UNC13C: variants seen among roughly 807,000 people sequenced by gnomAD.
UNC13C encodes the protein unc-13 homolog C.
Under a neutral mutation model 245.4 loss-of-function variants are expected in UNC13C, and 174 were observed. The ratio of observed to expected loss-of-function variants is 0.71; its 90% CI spans 0.63 to 0.80. The LOEUF (loss-of-function observed/expected upper bound fraction) is 0.80, where lower values mean the gene tolerates loss of function less well. Ranked by LOEUF, UNC13C falls within the 30% of genes least tolerant of loss-of-function variation. The probability of loss-of-function intolerance (pLI) is 0.00; values close to 1 mark genes in which losing one functional copy is unlikely to be tolerated. For synonymous variants in UNC13C, 992 were observed against 895.1 expected (o/e 1.11, Z -1.93); for missense variants, 2,829 against 2,602.9 (o/e 1.09, Z -1.89).
At chr15:53,920,559 A>G in the UNC13C span, among the ~76,000 whole-genome samples, 1 of 152,098 alleles carries the variant, frequency 6.6e-6, no homozygotes, top group Admixed American at 6.6e-5. Context: ...CTCAAAAATA[A>G]TAATAAATAA....
chr15:54,007,591 C>A (rs559156029), intron 1 of UNC13C, among the ~76,000 whole-genome samples: 2 of 152,210 alleles, frequency 1.3e-5, no homozygotes, highest in South Asian at 4.2e-4. Flanking sequence ...AGGGGAACAG[C>A]ACACACTGGA....
At chr15:54,419,716 T>C (rs748443415) in intron 19 of UNC13C, among the ~76,000 whole-genome samples, 18 of 152,128 alleles carry the variant, frequency 1.2e-4, no homozygotes, top group Non-Finnish European at 5.9e-5. Context: ...CAGTGGACAC[T>C]GACATTCAAG....
the UNC13C span, among the ~76,000 whole-genome samples, chr15:53,900,896 A>G: frequency 6.6e-6 from 1 of 152,138 alleles, no homozygotes; most frequent in Non-Finnish European, 1.5e-5. Flanking sequence ...CTTTTTCCAT[A>G]AGGGTTTAAC....
chr15:54,329,152 G>C (rs978689577), intron 14 of UNC13C, among the ~76,000 whole-genome samples: 2 of 121,896 alleles, frequency 1.6e-5, no homozygotes. Flanking sequence ...ATTTCTAATT[G>C]GATACGTAAT....
intron 18 of UNC13C, among the ~76,000 whole-genome samples, chr15:54,412,206 A>T (rs570795149): frequency 3.4e-5 from 5 of 147,826 alleles, no homozygotes; most frequent in Non-Finnish European, 6.0e-5. Context: ...ACTTCATCTG[A>T]AAAAAAAAAC....
At chr15:54,187,103 A>G (rs1424586766) in intron 4 of UNC13C, among the ~76,000 whole-genome samples, 2 of 152,012 alleles carry the variant, frequency 1.3e-5, no homozygotes, top group African/African-American at 4.8e-5. Context: ...CCTCCTTGGC[A>G]TCAATTTTAC....
intron 30 of UNC13C, among the ~76,000 whole-genome samples, chr15:54,602,563 GTTTTC>G (rs1899496824): frequency 6.6e-6 from 1 of 152,144 alleles, no homozygotes; most frequent in Non-Finnish European, 1.5e-5. Flanking sequence ...GATGCTCTAA[GTTTTC>G]TTTTTATTTT....
At chr15:54,478,594 G>T (rs1399279202) in intron 19 of UNC13C, among the ~76,000 whole-genome samples, 293 of 124,348 alleles carry the variant, frequency 2.4e-3, no homozygotes, top group East Asian at 4.6e-3. Flanking sequence ...GGAGCAGGTT[G>T]TTCAGTTTCC....
the UNC13C span, among the ~76,000 whole-genome samples, chr15:53,871,562 G>A: frequency 0.62 from 94,968 of 151,970 alleles, 29,712 homozygotes; most frequent in East Asian, 0.68. Flanking sequence ...TCATTGCTGT[G>A]TTCCAGTTGA....
At chr15:53,936,257 T>A in the UNC13C span, among the ~76,000 whole-genome samples, 7 of 151,940 alleles carry the variant, frequency 4.6e-5, no homozygotes, top group African/African-American at 1.4e-4. Flanking sequence ...AGGCAGCAGA[T>A]CATGGCCAGA....
chr15:54,028,778 C>T (rs111572950), intron 2 of UNC13C, among the ~76,000 whole-genome samples: 2,175 of 148,126 alleles, frequency 0.015, 63 homozygotes, highest in African/African-American at 0.051. Context: ...GCAAGCTCCA[C>T]CTCCCGGGTT....
chr15:54,406,000 G>A (rs1003475191), intron 18 of UNC13C, among the ~76,000 whole-genome samples: 14 of 152,076 alleles, frequency 9.2e-5, no homozygotes, highest in Middle Eastern at 3.4e-3. Flanking sequence ...AGTGTGGGGG[G>A]GGAAAGAATA....
intron 7 of UNC13C, 127 bp downstream of exon 7, chr15:54,237,817 G>C (rs1567125134): frequency 7.6e-6 from 6 of 792,542 alleles, no homozygotes; most frequent in Non-Finnish European, 8.0e-6. Flanking sequence ...CTGGGAGCAT[G>C]AGGAAAGCCT....
At chr15:53,951,678 C>T in the UNC13C span, among the ~76,000 whole-genome samples, 1 of 152,128 alleles carries the variant, frequency 6.6e-6, no homozygotes. Context: ...TCTGTTTGGC[C>T]CGCAAATCCA....
chr15:54,060,913 T>C lies in UNC13C; in HGVS notation c.2983+45027T>C, dbSNP rs552669586. On this transcript the variant is annotated intron_variant, in intron 2 of 32. Coordinates refer to ENST00000260323, the MANE Select transcript of UNC13C (RefSeq NM_001080534.3). ...GTTCTCACTCATAGGTGGGAATTGA[T>C]CAAAGAGAACACATGGACACAGGAA... 9.2e-5 allele frequency among the ~76,000 whole-genome samples: 14 copies of C among 151,610 alleles called. No homozygotes were observed. In the East Asian group the frequency reaches 2.6e-3, roughly 28 times the overall value.
At chr15:54,585,813 A>C (rs934940317) in intron 30 of UNC13C, among the ~76,000 whole-genome samples, 5 of 152,252 alleles carry the variant, frequency 3.3e-5, no homozygotes, top group African/African-American at 1.2e-4. Flanking sequence ...TTTTATATAC[A>C]AATTCTCAAG....
At chr15:53,925,787 C>T in the UNC13C span, among the ~76,000 whole-genome samples, 2 of 152,078 alleles carry the variant, frequency 1.3e-5, no homozygotes, top group African/African-American at 2.4e-5. Flanking sequence ...CAGGTGTCTC[C>T]GAAATCTATT....
chr15:54,075,967 T>G (rs1029034382), intron 2 of UNC13C, among the ~76,000 whole-genome samples: 1 of 152,092 alleles, frequency 6.6e-6, no homozygotes, highest in Non-Finnish European at 1.5e-5. Context: ...TACTTAGTAA[T>G]TTGTTCAAAG....
At chr15:54,603,489 G>GA (rs1428598817) in intron 30 of UNC13C, among the ~76,000 whole-genome samples, 1 of 152,100 alleles carries the variant, frequency 6.6e-6, no homozygotes, top group Non-Finnish European at 1.5e-5. Flanking sequence ...GATATATATA[G>GA]AAAATCACTT....
Sources: gnomAD v4.1 joint callset for allele counts (sites outside exome capture counted in the v4.1 genomes callset) on GRCh38, gnomAD v4.1.1 for gene constraint, MANE v1.5 for transcripts, NCBI Gene and HGNC (gene_info 2026-07-23, HGNC 2026-07-21) for gene names.